The following HNF1A variants were observed in gnomAD, a reference collection of about 807,000 sequenced individuals.
HNF1A encodes hepatocyte nuclear factor 1-alpha.
A neutral mutation model predicts 62.2 loss-of-function variants in HNF1A; 21 were observed. The observed-to-expected ratio is 0.34, with a 90% CI of 0.24 to 0.49. HNF1A has a LOEUF of 0.49. Ranked by LOEUF, HNF1A falls within the 20% of genes least tolerant of loss-of-function variation. The pLI is 0.99. For synonymous variants in HNF1A, 374 were observed against 366.8 expected, an observed-to-expected ratio of 1.02 and a Z score of -0.22; for missense variants, 687 against 832.3, an observed-to-expected ratio of 0.83 and a Z score of 2.15.
In HNF1A at chr12:120,993,453, G is replaced by T. The variant is rs920380364; in HGVS notation, c.527-67G>T. ...GCAATGAGAAAGAATCAAGGGCAAG[G>T]TCAGGGGAATGGACGTGGGAAGGTG... On this transcript the variant is annotated intron_variant, in intron 2 of 9. Transcript: ENST00000257555. 5.3e-6 allele frequency: 8 copies of T among 1,513,606 alleles called. No individual in the cohort carries two copies. The African/African-American group carries it at 9.6e-5, about 18-fold the overall frequency. 93.8% of individuals were successfully genotyped at this position (1,513,606 alleles called of 1,614,324 possible).
At chr12:120,988,072 C>A (rs1177595) in intron 1 of HNF1A, among the ~76,000 whole-genome samples, 1 of 30,518 alleles carries the variant, frequency 3.3e-5, no homozygotes, top group South Asian at 1.9e-3. Flanking sequence ...ATCATCCATC[C>A]ACCCACCCAC....
rs545563180 is a variant in HNF1A, at chr12:120,997,900, G to A, written c.1501+235G>A. ...CCTAGTGCGTGTCTGGGTGTGTATC[G>A]GTTGTGCATGCATTTGTGTGCATGC... On this transcript the variant is annotated intron_variant, in intron 7 of 9. Transcript: ENST00000257555. 469 of 683,304 alleles carry A rather than the reference G, an allele frequency of 6.9e-4. 5 individuals carry two copies. Among genetic ancestry groups the A allele is most frequent in the South Asian group, 5.7e-3 (353 of 61,630 alleles). 42.3% of individuals were successfully genotyped at this position (683,304 alleles called of 1,614,324 possible). A position where few individuals can be genotyped will look rare whatever the true frequency, so the allele number is the denominator to read the frequency against.
chr12:120,993,482 G>A, intron 2 of HNF1A, 38 bp from the exon 3 acceptor site: 1 of 1,605,972 alleles, frequency 6.2e-7, no homozygotes, highest in Non-Finnish European at 8.5e-7. Context: ...GAAGGTGAGA[G>A]TGGCCAGTAC....
chr12:120,994,315 C>T lies in HNF1A; in HGVS notation c.865C>T (p.Pro289Ser), dbSNP rs765829022. The stretch of plus-strand genomic sequence containing the variant: ...GCTGGCCATGGACACGTACAGCGGG[C>T]CCCCCCCAGGGCCAGGCCCGGGACC... ...HKLAMDTYSG[P>S]PPGPGPGPAL... The change falls in exon 4 of 10, where the codon CCC becomes TCC. Residue 289 changes from proline to serine, a missense_variant. Around this residue, in one of 5 missense-constraint regions of HNF1A, gnomAD observed 408 missense variants for 455.3 expected, o/e 0.90. Coordinates refer to ENST00000257555, the MANE Select transcript of HNF1A (RefSeq NM_000545.8). The T allele has an allele frequency of 2.5e-6, 4 of 1,595,544 alleles. No individual in the cohort carries two copies. Among genetic ancestry groups the T allele is most frequent in the Admixed American group, 1.7e-5 (1 of 59,050 alleles).
rs111878134 is a variant in HNF1A, at chr12:120,996,105, G to A, written c.956-157G>A. Reference sequence around the variant, plus strand: ...ACTGGGAGCAGCTGACCCAGGGCTTGGCAAAAGGTAGAAACAAAGGCAGAT... The same window carrying A: ...ACTGGGAGCAGCTGACCCAGGGCTTAGCAAAAGGTAGAAACAAAGGCAGAT... On this transcript the variant is annotated intron_variant, in intron 4 of 9. Transcript: ENST00000257555. This position sits in a 1 kb window ranked among gnomAD's most constrained non-coding sequence, Gnocchi z 4.5. Among the ~76,000 whole-genome samples the A allele has an allele frequency of 4.0e-4, 61 of 152,308 alleles. 1 individual carries two copies. Among genetic ancestry groups the A allele is most frequent in the Middle Eastern group, 3.4e-3 (1 of 294 alleles).
chr12:120,995,521 C>T (rs1359596359), intron 4 of HNF1A, among the ~76,000 whole-genome samples: 1 of 151,954 alleles, frequency 6.6e-6, no homozygotes, highest in Admixed American at 6.6e-5. Context: ...CTACTTCATC[C>T]ACTCACTCCA....
rs199890776 is a variant in HNF1A, at chr12:120,994,274, A to C, written c.824A>C (p.Glu275Ala). ...YNWFANRRKE[E>A]AFRHKLAMDT... The stretch of plus-strand genomic sequence containing the variant: ...TGGTTTGCCAACCGGCGCAAAGAAG[A>C]AGCCTTCCGGCACAAGCTGGCCATG... Residue 275 changes from glutamate (E) to alanine (A), a missense_variant, in exon 4 of 10, where the codon GAA becomes GCA. Physicochemically the swap from Glu to Ala is moderately radical, Grantham distance 107. Coordinates refer to ENST00000257555, the MANE Select transcript of HNF1A (RefSeq NM_000545.8). The C allele has an allele frequency of 4.1e-5, 66 of 1,613,446 alleles. No homozygotes were observed. The highest frequency in any genetic ancestry group is 4.9e-5 in the Non-Finnish European group (58 of 1,179,784).
intron 4 of HNF1A, 53 bp downstream of exon 4, chr12:120,994,458 G>A: frequency 2.6e-6 from 4 of 1,553,258 alleles, no homozygotes; most frequent in Non-Finnish European, 3.5e-6. Flanking sequence ...GGGTTGGGGA[G>A]GACTGTCCCA....
chr12:120,997,555 T>C lies in HNF1A; in HGVS notation c.1391T>C (p.Phe464Ser), dbSNP rs1403218426. ...SSLTTLQPVQFSQPLHPSYQQ... is the reference protein window; with the variant it reads ...SSLTTLQPVQSSQPLHPSYQQ... ...CTGACCACCCTGCAGCCCGTCCAGTTCTCCCAGCCGCTGCACCCCTCCTAC... is the reference window on the plus strand; with the variant it reads ...CTGACCACCCTGCAGCCCGTCCAGTCCTCCCAGCCGCTGCACCCCTCCTAC... The change falls in exon 7 of 10, where the codon TTC becomes TCC. Residue 464 changes from phenylalanine to serine, a missense_variant. By Grantham distance (155) the Phe-to-Ser change is radical. This residue lies in a region of HNF1A where 408 missense variants were observed against 455.3 expected (regional missense o/e 0.90). Transcript: ENST00000257555. 1 of 1,613,406 alleles carries C rather than the reference T, an allele frequency of 6.2e-7. No individual in the cohort carries two copies. Among genetic ancestry groups the C allele is most frequent in the Non-Finnish European group, 8.5e-7 (1 of 1,179,978 alleles).
Position 120,997,542 on chromosome 12 carries a change from C to A in HNF1A, c.1378C>A (p.Gln460Lys). ...CATGGGCAGCAGCCTGACCACCCTG[C>A]AGCCCGTCCAGTTCTCCCAGCCGCT... ...NSMGSSLTTLQPVQFSQPLHP... is the reference protein window; with the variant it reads ...NSMGSSLTTLKPVQFSQPLHP... Residue 460 changes from glutamine (Q) to lysine (K), a missense_variant, in exon 7 of 10, where the codon CAG becomes AAG. Gln to Lys is a moderately conservative substitution (Grantham distance 53). Coordinates refer to ENST00000257555, the MANE Select transcript of HNF1A (RefSeq NM_000545.8). The A allele has an allele frequency of 6.2e-7, 1 of 1,613,442 alleles. No homozygotes were observed. The highest frequency in any genetic ancestry group is 8.5e-7 in the Non-Finnish European group (1 of 1,180,016).
intron 2 of HNF1A, among the ~76,000 whole-genome samples, chr12:120,990,034 G>A (rs1029889813): frequency 1.5e-4 from 23 of 152,066 alleles, no homozygotes; most frequent in African/African-American, 4.6e-4. Context: ...TCTTCTCCAG[G>A]CCTCATACCC....
chr12:120,990,211 GGCTCACTGCAA>G (rs1380756819), intron 2 of HNF1A, among the ~76,000 whole-genome samples: 6 of 151,668 alleles, frequency 4.0e-5, no homozygotes, highest in African/African-American at 1.5e-4. Flanking sequence ...GCGTGATCTC[GGCTCACTGCAA>G]GCTCCGCCTT....
chr12:120,979,140 G>C, intron 1 of HNF1A, 46 bp downstream of exon 1: 3 of 1,525,048 alleles, frequency 2.0e-6, no homozygotes, highest in East Asian at 2.4e-5. Flanking sequence ...GCCTAGAGGG[G>C]CCCCCCTCAG....
chr12:120,985,941 C>T (rs867700496), intron 1 of HNF1A, among the ~76,000 whole-genome samples: 11 of 151,290 alleles, frequency 7.3e-5, no homozygotes, highest in Non-Finnish European at 1.3e-4. Context: ...GCTGAGCTCG[C>T]GCCACTGCAC....
rs1877127744 is a variant in HNF1A at position 120,996,806 on chromosome 12, G to C, written c.1309+64G>C. 1 of 1,588,838 alleles carries C rather than the reference G, an allele frequency of 6.3e-7. No individual in the cohort carries two copies. Among genetic ancestry groups the C allele is most frequent in the Non-Finnish European group, 8.6e-7 (1 of 1,169,122 alleles). On this transcript the variant is annotated intron_variant, in intron 6 of 9. Transcript: ENST00000257555. This position sits in a 1 kb window ranked among gnomAD's most constrained non-coding sequence, Gnocchi z 4.5. ...CTCATGGGGCAACCGCAGAATCCAG[G>C]AGCTGGAAGAGCCACTGGGACTCAT...
chr12:120,983,826 A>G (rs1876371212), intron 1 of HNF1A, among the ~76,000 whole-genome samples: 1 of 152,060 alleles, frequency 6.6e-6, no homozygotes, highest in Non-Finnish European at 1.5e-5. Flanking sequence ...GATTACAGGC[A>G]TGAGCCACCA....
intron 4 of HNF1A, among the ~76,000 whole-genome samples, chr12:120,994,641 ATCCACTCCATCCACTACCTTCGAC>A (rs1338565726): frequency 6.7e-6 from 1 of 149,086 alleles, no homozygotes; most frequent in South Asian, 2.1e-4. Flanking sequence ...ACCCCATTCC[ATCCACTCCATCCACTACCTTCGAC>A]TCCACTCCAT....
At position 121,002,027 on chromosome 12, in the gene HNF1A, C is replaced by G; in HGVS notation, c.*835C>G. 1.9e-6 allele frequency: 1 copy of G among 536,934 alleles called. No individual in the cohort carries two copies. Among genetic ancestry groups the G allele is most frequent in the Non-Finnish European group, 3.6e-6 (1 of 276,748 alleles). The allele number at this position is 536,934 out of a possible 1,614,324, so 33.3% of individuals were successfully genotyped here. A position where few individuals can be genotyped will look rare whatever the true frequency, so the allele number is the denominator to read the frequency against. ...GGAGCCTCGCAACCCGTGCCAAGTC[C>G]AGGTCCTGGTGGGGCAGCTCCTCTG... On this transcript the variant is annotated 3_prime_UTR_variant, in exon 10 of 10. Coordinates refer to ENST00000257555, the MANE Select transcript of HNF1A (RefSeq NM_000545.8).
At position 120,978,914 on chromosome 12, in the gene HNF1A, C is replaced by T; in HGVS notation, c.146C>T (p.Ser49Phe). The change falls in exon 1 of 10, where the codon TCC (serine) becomes TTC (phenylalanine). Residue 49 changes from serine (S) to phenylalanine (F), a missense_variant. Coordinates refer to ENST00000257555, the MANE Select transcript of HNF1A (RefSeq NM_000545.8). ...GAAGGCCCCCTGGACAAGGGGGAGT[C>T]CTGCGGCGGCGGTCGAGGGGAGCTG... ...AGEGPLDKGESCGGGRGELAE... is the reference protein window; with the variant it reads ...AGEGPLDKGEFCGGGRGELAE... 6.2e-7 allele frequency: 1 copy of T among 1,612,158 alleles called. No individual in the cohort carries two copies. The highest frequency in any genetic ancestry group is 8.5e-7 in the Non-Finnish European group (1 of 1,179,216).
Sources: allele counts gnomAD v4.1 joint callset (sites outside exome capture counted in the v4.1 genomes callset), GRCh38; gene constraint gnomAD v4.1.1; regional missense constraint gnomAD v4.1.1; non-coding constraint Gnocchi (gnomAD v3.1); transcripts MANE v1.5; gene names NCBI Gene and HGNC (gene_info 2026-07-23, HGNC 2026-07-21).